Variants in DLGAP1 observed in about 807,000 individuals in gnomAD.
DLGAP1 encodes DLG associated protein 1, also known as disks large-associated protein 1.
A neutral mutation model predicts 90.8 loss-of-function variants in DLGAP1; 11 were observed. The ratio of observed to expected loss-of-function variants is 0.12; its 90% CI spans 0.08 to 0.20. The LOEUF (loss-of-function observed/expected upper bound fraction) is 0.20. Ranked by LOEUF, DLGAP1 falls within the 10% of genes least tolerant of loss-of-function variation. The pLI, the probability that DLGAP1 is intolerant of heterozygous loss-of-function variation, is 1.00. For missense variants in DLGAP1, 1,050 were observed against 1,333.8 expected (o/e 0.79, Z 3.31); for synonymous variants, 558 against 540.7 (o/e 1.03, Z -0.44).
At chr18:4,324,196 C>T (rs530380740) in intron 1 of DLGAP1, among the ~76,000 whole-genome samples, 19 of 151,712 alleles carry the variant, frequency 1.3e-4, no homozygotes, top group African/African-American at 3.4e-4. Context: ...TACCACTGAC[C>T]GCACAGAAAT....
chr18:3,611,369 C>T (rs908369063), intron 7 of DLGAP1, among the ~76,000 whole-genome samples: 10 of 151,986 alleles, frequency 6.6e-5, no homozygotes, highest in South Asian at 6.2e-4. Context: ...GTTTTGGGGT[C>T]GGGGCAGTGC....
intron 2 of DLGAP1, among the ~76,000 whole-genome samples, chr18:4,080,735 C>T (rs2075593946): frequency 6.6e-6 from 1 of 152,176 alleles, no homozygotes; most frequent in African/African-American, 2.4e-5. Context: ...TGTCTTGCCG[C>T]GATAACCCGA....
chr18:4,283,374 C>T (rs1383857879), intron 1 of DLGAP1, among the ~76,000 whole-genome samples: 1 of 152,030 alleles, frequency 6.6e-6, no homozygotes, highest in African/African-American at 2.4e-5. Context: ...ATATTTTAGG[C>T]AATATTATGT....
At chr18:3,767,719 ACT>A (rs2064317616) in intron 5 of DLGAP1, among the ~76,000 whole-genome samples, 1 of 152,086 alleles carries the variant, frequency 6.6e-6, no homozygotes, top group South Asian at 2.1e-4. Flanking sequence ...ACAAAATTCA[ACT>A]CTCATTCATG....
At chr18:3,973,290 C>CAA (rs3031700) in intron 3 of DLGAP1, among the ~76,000 whole-genome samples, 8,830 of 134,308 alleles carry the variant, frequency 0.066, 396 homozygotes, top group African/African-American at 0.1. Context: ...TAGCCATAGC[C>CAA]AAAAAAAAAA....
chr18:3,565,349 C>CA lies in DLGAP1; in HGVS notation c.2057+2140dup, dbSNP rs1488679929. ...ATTTTTTAGTAGAGACGGGTTTCAC[C>CA]ATGTTGGTCAGGCTGGTCTTGAACT... On this transcript the variant is annotated intron_variant, in intron 9 of 12. Transcript: ENST00000315677. The surrounding 1 kb of genome is among the most constrained non-coding windows in gnomAD (Gnocchi z 4.0). 6.6e-6 allele frequency among the ~76,000 whole-genome samples: 1 copy of CA among 151,760 alleles called. No homozygotes were observed. Among genetic ancestry groups the CA allele is most frequent in the Non-Finnish European group, 1.5e-5 (1 of 67,980 alleles).
intron 2 of DLGAP1, among the ~76,000 whole-genome samples, chr18:4,093,763 T>C (rs2143785201): frequency 6.6e-6 from 1 of 152,268 alleles, no homozygotes; most frequent in Non-Finnish European, 1.5e-5. Flanking sequence ...CTTTTTATTA[T>C]AAAATTTGAT....
chr18:3,895,767 G>T (rs947936044), intron 3 of DLGAP1: 1 of 152,290 alleles, frequency 6.6e-6, no homozygotes, highest in Non-Finnish European at 1.5e-5. Flanking sequence ...TGTTTCATCC[G>T]CAGCACACAG....
intron 6 of DLGAP1, among the ~76,000 whole-genome samples, chr18:3,741,091 C>T (rs914223216): frequency 2.3e-5 from 3 of 128,394 alleles, no homozygotes; most frequent in African/African-American, 9.2e-5. Context: ...ATCACCATCA[C>T]CACCACCACC....
At chr18:3,734,763 G>T (rs996695355) in intron 6 of DLGAP1, among the ~76,000 whole-genome samples, 8 of 151,180 alleles carry the variant, frequency 5.3e-5, no homozygotes, top group Non-Finnish European at 1.0e-4. Flanking sequence ...GATTCTTTTG[G>T]GTTATCTTTT....
intron 1 of DLGAP1, among the ~76,000 whole-genome samples, chr18:4,322,822 G>A (rs955822147): frequency 3.6e-4 from 55 of 151,766 alleles, no homozygotes; most frequent in African/African-American, 1.3e-3. Flanking sequence ...TTAGCCAGGC[G>A]TTTTGGCGGG....
intron 3 of DLGAP1, among the ~76,000 whole-genome samples, chr18:3,938,754 G>A (rs1369233941): frequency 1.3e-5 from 2 of 152,166 alleles, no homozygotes; most frequent in Non-Finnish European, 2.9e-5. Context: ...ACCACGTGGG[G>A]CCCATGGGCC....
At chr18:3,831,958 G>A (rs1363138164) in intron 4 of DLGAP1, among the ~76,000 whole-genome samples, 1 of 152,176 alleles carries the variant, frequency 6.6e-6, no homozygotes, top group African/African-American at 2.4e-5. Context: ...AATGAGAGGT[G>A]GTAATAGAGA....
intron 2 of DLGAP1, among the ~76,000 whole-genome samples, chr18:4,117,721 A>G (rs1226631814): frequency 6.6e-6 from 1 of 152,138 alleles, no homozygotes. Context: ...TTCTTCTCCC[A>G]TCACTCTGGA....
chr18:4,242,068 C>T (rs532971480), intron 1 of DLGAP1, among the ~76,000 whole-genome samples: 9 of 152,172 alleles, frequency 5.9e-5, no homozygotes, highest in Non-Finnish European at 8.8e-5. Flanking sequence ...AACCATCAGG[C>T]GCCAGACATA....
At chr18:3,959,867 T>G (rs1238951058) in intron 3 of DLGAP1, among the ~76,000 whole-genome samples, 4 of 152,230 alleles carry the variant, frequency 2.6e-5, no homozygotes, top group Admixed American at 6.5e-5. Context: ...AATGGGTTAT[T>G]TTACACCGTC....
intron 1 of DLGAP1, among the ~76,000 whole-genome samples, chr18:4,452,479 A>T (rs77642222): frequency 2.2e-4 from 26 of 118,604 alleles, no homozygotes; most frequent in Non-Finnish European, 3.2e-4. Flanking sequence ...TTTTATATTT[A>T]AAAAAAATCA....
chr18:4,293,222 G>C (rs2079893557), intron 1 of DLGAP1: 1 of 152,198 alleles, frequency 6.6e-6, no homozygotes, highest in South Asian at 2.1e-4. Flanking sequence ...AGAATGTGAT[G>C]ACTACATGTA....
intron 1 of DLGAP1, among the ~76,000 whole-genome samples, chr18:4,431,553 G>A (rs535607077): frequency 6.6e-6 from 1 of 152,180 alleles, no homozygotes; most frequent in Admixed American, 6.5e-5. Flanking sequence ...AATTAAGAAT[G>A]TAATAGTCAA....
Sources: allele counts gnomAD v4.1 joint callset (sites outside exome capture counted in the v4.1 genomes callset), GRCh38; gene constraint gnomAD v4.1.1; non-coding constraint Gnocchi (gnomAD v3.1); transcripts MANE v1.5; gene names NCBI Gene and HGNC (gene_info 2026-07-23, HGNC 2026-07-21).